Variants in DIP2A observed in about 807,000 individuals in gnomAD.
DIP2A encodes disco-interacting protein 2 homolog A.
DIP2A carries 85 observed loss-of-function variants against 177.4 expected under a neutral mutation model. The ratio of observed to expected loss-of-function variants is 0.48; its 90% CI spans 0.40 to 0.57. The LOEUF is 0.57. Ranked by LOEUF, DIP2A falls within the 20% of genes least tolerant of loss-of-function variation. DIP2A has a pLI of 0.00. For missense variants in DIP2A, 1,791 were observed against 2,100.2 expected (o/e 0.85, Z 2.88); for synonymous variants, 886 against 881.8 (o/e 1.00, Z -0.08).
At position 46,556,886 on chromosome 21, in the gene DIP2A, C is replaced by G; in HGVS notation, c.3499-53C>G. ...AGCGGACACTGCCATCCACCCTCTC[C>G]CCTCCTGAATTTCATTTCACTTTTT... On this transcript the variant is annotated intron_variant, in intron 29 of 37. Coordinates refer to ENST00000417564, the MANE Select transcript of DIP2A (RefSeq NM_015151.4). The surrounding 1 kb of genome is among the most constrained non-coding windows in gnomAD (Gnocchi z 4.5). 2 of 1,477,188 alleles carry G rather than the reference C, an allele frequency of 1.4e-6. No individual in the cohort carries two copies. The highest frequency in any genetic ancestry group is 1.8e-6 in the Non-Finnish European group (2 of 1,103,546). The allele number at this position is 1,477,188 out of a possible 1,614,324, so 91.5% of individuals were successfully genotyped here. A position where few individuals can be genotyped will look rare whatever the true frequency, so the allele number is the denominator to read the frequency against.
intron 32 of DIP2A, 124 bp from the exon 33 acceptor site, chr21:46,560,598 C>A: frequency 7.4e-7 from 1 of 1,344,946 alleles, no homozygotes; most frequent in Non-Finnish European, 1.0e-6. Flanking sequence ...CTGCAGGGAG[C>A]AGAGCTGCTA....
At chr21:46,561,198 T>C (rs1042578245) in intron 33 of DIP2A, 6 of 316,908 alleles carry the variant, frequency 1.9e-5, no homozygotes, top group South Asian at 1.4e-4. Flanking sequence ...CGATGACCCA[T>C]GTGACATTTG....
intron 20 of DIP2A, among the ~76,000 whole-genome samples, chr21:46,546,698 C>T (rs1234805224): frequency 1.3e-5 from 2 of 152,204 alleles, no homozygotes; most frequent in Admixed American, 6.6e-5. Context: ...GATGCTGCCC[C>T]ACCAGCCCCC....
chr21:46,545,517 C>T (rs895295517), intron 19 of DIP2A, among the ~76,000 whole-genome samples: 4 of 152,220 alleles, frequency 2.6e-5, no homozygotes, highest in Admixed American at 2.0e-4. Context: ...TCCCACAGTC[C>T]TGCATGGGAG....
At chr21:46,486,323 G>T (rs2056693785) in intron 2 of DIP2A, among the ~76,000 whole-genome samples, 1 of 152,090 alleles carries the variant, frequency 6.6e-6, no homozygotes, top group Admixed American at 6.6e-5. Context: ...TCTCACTTCA[G>T]CCTCCTGAGT....
At chr21:46,477,530 T>TA (rs112629039) in intron 1 of DIP2A, among the ~76,000 whole-genome samples, 8,184 of 140,426 alleles carry the variant, frequency 0.058, 621 homozygotes, top group African/African-American at 0.17. Flanking sequence ...CCGCCTAAAA[T>TA]AAAAAAAAAG....
At chr21:46,532,360 C>A in intron 10 of DIP2A, 123 bp downstream of exon 10, 1 of 768,298 alleles carries the variant, frequency 1.3e-6, no homozygotes, top group South Asian at 2.0e-5. Context: ...GGAGAGAAAG[C>A]TAGTAGTCAA....
At position 46,533,537 on chromosome 21, in the gene DIP2A, A is replaced by C; in HGVS notation, c.1319A>C (p.Gln440Pro). ...TGCTTTCTGCAGGATGCAGGCAGCC[A>C]GCAGGTTGGGTTTCTGCTGGGCAGC... Reference protein sequence around the residue: ...VPLTRKDAGSQQVGFLLGSCG... With the variant: ...VPLTRKDAGSPQVGFLLGSCG... Residue 440 changes from glutamine to proline, a missense_variant, in exon 11 of 38, where the codon CAG becomes CCG. Physicochemically the swap from Gln to Pro is moderately conservative, Grantham distance 76. Coordinates refer to ENST00000417564, the MANE Select transcript of DIP2A (RefSeq NM_015151.4). 6.2e-7 allele frequency: 1 copy of C among 1,613,722 alleles called. No individual in the cohort carries two copies. The highest frequency in any genetic ancestry group is 1.1e-5 in the South Asian group (1 of 91,024).
chr21:46,488,388 C>T (rs1483004061), intron 2 of DIP2A, among the ~76,000 whole-genome samples: 2 of 152,088 alleles, frequency 1.3e-5, no homozygotes, highest in East Asian at 1.9e-4. Context: ...TGGACAGGTG[C>T]GATAGGCTCC....
Position 46,465,901 on chromosome 21 carries a change from C to T in DIP2A, c.91+6679C>T, listed in dbSNP as rs28822471. On this transcript the variant is annotated intron_variant, in intron 1 of 37. Transcript: ENST00000417564. ...ACTAGCTGCTTTTATTGTGAAATGC[C>T]ATTTTTGCTTGAAAAAGTGGGTAGC... Among the ~76,000 whole-genome samples, 987 of 152,214 alleles carry T rather than the reference C, an allele frequency of 6.5e-3. 10 individuals carry two copies. Among genetic ancestry groups the T allele is most frequent in the African/African-American group, 0.023 (935 of 41,524 alleles).
the DIP2A span, among the ~76,000 whole-genome samples, chr21:46,581,420 T>G: frequency 6.6e-6 from 1 of 152,196 alleles, no homozygotes; most frequent in African/African-American, 2.4e-5. Flanking sequence ...GAGTTCGTTA[T>G]TACCCACATT....
chr21:46,512,752 TC>T (rs2058367584), intron 8 of DIP2A, among the ~76,000 whole-genome samples: 1 of 151,738 alleles, frequency 6.6e-6, no homozygotes, highest in African/African-American at 2.4e-5. Flanking sequence ...TGCCTCAGCC[TC>T]CTGAGTAGCT....
chr21:46,481,431 G>T (rs762460567), intron 1 of DIP2A, among the ~76,000 whole-genome samples: 33 of 152,256 alleles, frequency 2.2e-4, no homozygotes, highest in Non-Finnish European at 4.0e-4. Flanking sequence ...TTGTGTACAG[G>T]TTTTTATGTG....
intron 7 of DIP2A, 102 bp from the exon 8 acceptor site, chr21:46,511,315 G>C: frequency 8.2e-7 from 1 of 1,217,374 alleles, no homozygotes. Context: ...CTTTTTTATA[G>C]TTGGGATTAA....
intron 9 of DIP2A, among the ~76,000 whole-genome samples, chr21:46,531,540 A>G (rs1569049277): frequency 1.3e-5 from 2 of 152,230 alleles, no homozygotes; most frequent in African/African-American, 2.4e-5. Context: ...ATTTTCTTGA[A>G]AAACATTCTT....
intron 1 of DIP2A, among the ~76,000 whole-genome samples, chr21:46,473,142 C>T (rs1055351222): frequency 2.0e-5 from 3 of 152,138 alleles, no homozygotes; most frequent in Admixed American, 2.0e-4. Context: ...TACCACTGCT[C>T]TCGACAAAGG....
At chr21:46,462,346 G>A (rs1481382653) in intron 1 of DIP2A, 5 of 152,150 alleles carry the variant, frequency 3.3e-5, no homozygotes, top group African/African-American at 9.7e-5. Flanking sequence ...CAGATTTTTG[G>A]CTTCTTCACA....
chr21:46,484,708 T>G (rs1008242596), intron 1 of DIP2A, 49 bp from the exon 2 acceptor site: 2 of 1,483,580 alleles, frequency 1.3e-6, no homozygotes, highest in Non-Finnish European at 1.8e-6. Flanking sequence ...AATTTTAAAA[T>G]TTTGGAATTG....
chr21:46,524,117 C>T (rs2058956175), intron 8 of DIP2A, among the ~76,000 whole-genome samples: 1 of 152,210 alleles, frequency 6.6e-6, no homozygotes, highest in African/African-American at 2.4e-5. Context: ...GTTCCATGAT[C>T]CTGTACATGC....
Sources: gnomAD v4.1 joint callset for allele counts (sites outside exome capture counted in the v4.1 genomes callset) on GRCh38, gnomAD v4.1.1 for gene constraint, Gnocchi (gnomAD v3.1) non-coding constraint, MANE v1.5 for transcripts, NCBI Gene and HGNC (gene_info 2026-07-23, HGNC 2026-07-21) for gene names.